The following MORC4 variants were observed in gnomAD, a reference collection of about 807,000 sequenced individuals.
MORC4 encodes the protein MORC family CW-type zinc finger protein 4.
A neutral mutation model predicts 65.5 loss-of-function variants in MORC4; 22 were observed. The ratio of observed to expected loss-of-function variants is 0.34; its 90% confidence interval spans 0.24 to 0.48. The LOEUF (loss-of-function observed/expected upper bound fraction) is 0.48. Ranked by LOEUF, MORC4 falls within the 20% of genes least tolerant of loss-of-function variation. The probability of loss-of-function intolerance (pLI) is 0.99; values close to 1 mark genes in which losing one functional copy is unlikely to be tolerated. For missense variants in MORC4, 624 were observed against 703.0 expected, an observed-to-expected ratio of 0.89 and a Z score of 1.27; for synonymous variants, 267 against 255.8, an observed-to-expected ratio of 1.04 and a Z score of -0.42.
At chrX:106,971,931 C>A (rs1253551343) in intron 9 of MORC4, among the ~76,000 whole-genome samples, 1 of 111,778 alleles carries the variant, frequency 8.9e-6, no homozygotes, top group African/African-American at 3.3e-5. Context: ...GAATCTAGAA[C>A]TAGAAATACC....
At chrX:106,997,908 T>C (rs990209548) in intron 2 of MORC4, among the ~76,000 whole-genome samples, 1 of 112,121 alleles carries the variant, frequency 8.9e-6, no homozygotes, top group Non-Finnish European at 1.9e-5. Context: ...CCATTCCTCC[T>C]TCCTCTGAAC....
At chrX:106,944,851 T>TTTCC (rs750409171) in intron 14 of MORC4, among the ~76,000 whole-genome samples, 1 of 111,702 alleles carries the variant, frequency 9.0e-6, no homozygotes, top group East Asian at 2.8e-4. Flanking sequence ...TCCCACTACC[T>TTTCC]TTCCTGGACT....
At chrX:106,959,922 T>C (rs1191565363) in intron 10 of MORC4, among the ~76,000 whole-genome samples, 1 of 112,449 alleles carries the variant, frequency 8.9e-6, no homozygotes, top group Non-Finnish European at 1.9e-5. Context: ...ATACAGAAAA[T>C]AAAAGGCACT....
intron 7 of MORC4, among the ~76,000 whole-genome samples, chrX:106,979,879 T>G (rs1934704596): frequency 9.0e-6 from 1 of 110,996 alleles, no homozygotes; most frequent in African/African-American, 3.3e-5. Flanking sequence ...CTAATTCACC[T>G]ATAGAAGCAA....
At chrX:106,959,829 C>T (rs1325219676) in intron 10 of MORC4, among the ~76,000 whole-genome samples, 2 of 112,130 alleles carry the variant, frequency 1.8e-5, no homozygotes, top group Non-Finnish European at 3.8e-5. Context: ...CATGAGCCAC[C>T]GTGCCTGGCT....
intron 3 of MORC4, among the ~76,000 whole-genome samples, chrX:106,990,839 T>C (rs1934966850): frequency 9.0e-6 from 1 of 111,097 alleles, no homozygotes; most frequent in African/African-American, 3.3e-5. Flanking sequence ...GCCATTGCAC[T>C]CCAGCCTGAG....
At position 106,942,991 on chromosome X, in the gene MORC4, T is replaced by C. The variant is rs974423904; in HGVS notation, c.1900A>G (p.Lys634Glu). ...YLFPEYPEAS[K>E]NTGQNREVSI... is the part of the protein sequence containing the mutation. ...ACCTCCCTATTCTGACCTGTATTCTTGCTTGCTTCTGGGTATTCTGGGAAA... is the reference window on the plus strand; with the variant it reads ...ACCTCCCTATTCTGACCTGTATTCTCGCTTGCTTCTGGGTATTCTGGGAAA... Residue 634 changes from lysine (K) to glutamate (E), a missense_variant, in exon 15 of 17, where the codon AAG (lysine) becomes GAG (glutamate). By Grantham distance (56) the Lys-to-Glu change is moderately conservative. Transcript: ENST00000355610. 2.5e-6 allele frequency: 3 copies of C among 1,211,459 alleles called. No individual in the cohort carries two copies. In the Admixed American group the frequency reaches 6.5e-5, roughly 26 times the overall value.
intron 9 of MORC4, among the ~76,000 whole-genome samples, chrX:106,972,590 T>C (rs948521363): frequency 1.8e-5 from 2 of 111,559 alleles, no homozygotes; most frequent in Admixed American, 1.9e-4. Context: ...GACATGAATA[T>C]ACATGACACG....
At chrX:106,947,165 G>A (rs1933848918) in intron 14 of MORC4, among the ~76,000 whole-genome samples, 1 of 110,113 alleles carries the variant, frequency 9.1e-6, no homozygotes, top group African/African-American at 3.3e-5. Flanking sequence ...TCCTTAGGTT[G>A]TTGATTTCTA....
At chrX:106,946,988 CTGAG>C (rs1933843387) in intron 14 of MORC4, among the ~76,000 whole-genome samples, 1 of 109,579 alleles carries the variant, frequency 9.1e-6, no homozygotes, top group Non-Finnish European at 1.9e-5. Context: ...AATTTTCCCT[CTGAG>C]TATTTCTTTA....
At chrX:106,986,255 A>G in intron 3 of MORC4, 55 bp from the exon 4 acceptor site, 1 of 952,824 alleles carries the variant, frequency 1.0e-6, no homozygotes. Context: ...AAAGGTAAAA[A>G]GCATCCTAAG....
In MORC4 at chrX:106,942,165, T is replaced by C. The variant is rs776636086; in HGVS notation, c.2433A>G (p.Gln811=). 1 of 1,208,763 alleles carries C rather than the reference T, an allele frequency of 8.3e-7. No homozygotes were observed. Among genetic ancestry groups the C allele is most frequent in the Admixed American group, 2.2e-5 (1 of 45,634 alleles). The change falls in exon 16 of 17, where the codon CAA becomes CAG. Residue 811 remains glutamine, a synonymous_variant. Transcript: ENST00000355610. The part of the protein sequence containing the change: ...NHWQSEFKKV[Q]HELVIYSTQE... ...GGGTACTGTAGATCACCAATTCATGTTGGACTTTCTTGAATTCAGACTGCC... is the reference window on the plus strand; with the variant it reads ...GGGTACTGTAGATCACCAATTCATGCTGGACTTTCTTGAATTCAGACTGCC...
chrX:106,986,362 A>C (rs1489741769), intron 3 of MORC4, among the ~76,000 whole-genome samples, 162 bp from the exon 4 acceptor site: 1 of 112,429 alleles, frequency 8.9e-6, no homozygotes, highest in Non-Finnish European at 1.9e-5. Flanking sequence ...CAAAACTATT[A>C]AGTTAAAAAC....
At chrX:106,962,847 C>T (rs1037966954) in intron 9 of MORC4, among the ~76,000 whole-genome samples, 2 of 111,871 alleles carry the variant, frequency 1.8e-5, no homozygotes, top group African/African-American at 6.5e-5. Flanking sequence ...TATTTAATTC[C>T]ATAACCCGAG....
intron 11 of MORC4, among the ~76,000 whole-genome samples, chrX:106,957,524 A>T (rs1291830970): frequency 1.8e-5 from 2 of 111,722 alleles, no homozygotes; most frequent in Admixed American, 1.9e-4. Flanking sequence ...CCATTTTAGC[A>T]CCTTTCTATC....
intron 5 of MORC4, among the ~76,000 whole-genome samples, chrX:106,984,035 G>A (rs1363020859): frequency 4.5e-5 from 5 of 111,720 alleles, no homozygotes; most frequent in African/African-American, 1.6e-4. Flanking sequence ...GGTGGCTCAT[G>A]CCAGTAATAG....
intron 9 of MORC4, among the ~76,000 whole-genome samples, chrX:106,975,923 G>C (rs1876065587): frequency 9.0e-6 from 1 of 111,133 alleles, no homozygotes; most frequent in Non-Finnish European, 1.9e-5. Context: ...TTGTTCATAG[G>C]TATCAAAGAG....
intron 9 of MORC4, among the ~76,000 whole-genome samples, chrX:106,964,835 C>A (rs755235591): frequency 9.0e-6 from 1 of 110,588 alleles, no homozygotes; most frequent in African/African-American, 3.3e-5. Context: ...CATGGTGAAA[C>A]GCTGTCTCTA....
intron 3 of MORC4, among the ~76,000 whole-genome samples, chrX:106,989,505 T>C (rs1934935984): frequency 8.9e-6 from 1 of 112,068 alleles, no homozygotes; most frequent in Non-Finnish European, 1.9e-5. Context: ...AAATAGAACT[T>C]CTGTAGGCTT....
Sources: allele counts gnomAD v4.1 joint callset (sites outside exome capture counted in the v4.1 genomes callset), GRCh38; gene constraint gnomAD v4.1.1; transcripts MANE v1.5; gene names NCBI Gene and HGNC (gene_info 2026-07-23, HGNC 2026-07-21).